The following CPXM2 variants were observed in gnomAD, a reference collection of about 807,000 sequenced individuals.
CPXM2 encodes the protein carboxypeptidase X, M14 family member 2.
In CPXM2, 66 loss-of-function variants were observed where a neutral mutation model predicts 86.1. The observed-to-expected ratio is 0.77, with a 90% CI of 0.63 to 0.94. The LOEUF (loss-of-function observed/expected upper bound fraction) is 0.94, where lower values mean the gene tolerates loss of function less well. CPXM2 is among the 40% of genes least tolerant of loss of function. The pLI, the probability that CPXM2 is intolerant of heterozygous loss-of-function variation, is 0.00. For synonymous variants in CPXM2, 388 were observed against 400.2 expected (o/e 0.97, Z 0.36); for missense variants, 948 against 1,026.3 (o/e 0.92, Z 1.04).
chr10:123,798,228 C>A, intron 5 of CPXM2, 102 bp from the exon 6 acceptor site: 2 of 966,948 alleles, frequency 2.1e-6, no homozygotes, highest in Admixed American at 2.9e-5. Context: ...TTGAGGAAAA[C>A]CTAATGTGTG....
intron 2 of CPXM2, among the ~76,000 whole-genome samples, chr10:123,916,199 T>C (rs1945532596): frequency 6.6e-6 from 1 of 152,138 alleles, no homozygotes; most frequent in Admixed American, 6.5e-5. Context: ...TTGGTGAGCT[T>C]GTATTGCATC....
intron 7 of CPXM2, among the ~76,000 whole-genome samples, chr10:123,775,973 A>G (rs1846776775): frequency 6.6e-6 from 1 of 151,654 alleles, no homozygotes; most frequent in South Asian, 2.1e-4. Context: ...GGGGTCAAAG[A>G]TTTTTTTTTG....
intron 2 of CPXM2, among the ~76,000 whole-genome samples, chr10:123,908,044 C>A (rs1945458523): frequency 6.6e-6 from 1 of 152,006 alleles, no homozygotes. Flanking sequence ...AGAGATGTGA[C>A]AAGGACCATA....
At chr10:123,869,617 G>A (rs1471320741) in intron 2 of CPXM2, among the ~76,000 whole-genome samples, 1 of 152,124 alleles carries the variant, frequency 6.6e-6, no homozygotes, top group Non-Finnish European at 1.5e-5. Flanking sequence ...CCATCTCCCA[G>A]CCCCATGCTC....
intron 1 of CPXM2, among the ~76,000 whole-genome samples, chr10:123,889,873 C>G (rs1378870596): frequency 6.6e-6 from 1 of 152,088 alleles, no homozygotes; most frequent in African/African-American, 2.4e-5. Context: ...TGTCTCCTGC[C>G]TACACCACCC....
intron 3 of CPXM2, among the ~76,000 whole-genome samples, chr10:123,849,286 ATACT>A (rs1848553938): frequency 6.6e-6 from 1 of 152,184 alleles, no homozygotes; most frequent in Non-Finnish European, 1.5e-5. Flanking sequence ...CTTACGTAAC[ATACT>A]TAATTCTGTA....
At chr10:123,906,692 TG>T in intron 2 of CPXM2, among the ~76,000 whole-genome samples, 1 of 152,148 alleles carries the variant, frequency 6.6e-6, no homozygotes, top group South Asian at 2.1e-4. Flanking sequence ...CCCCCAAACT[TG>T]GCTCCAAAAG....
intron 1 of CPXM2, among the ~76,000 whole-genome samples, chr10:123,881,745 A>G (rs1007638691): frequency 2.9e-4 from 44 of 152,302 alleles, no homozygotes; most frequent in Middle Eastern, 6.8e-3. Context: ...CTGTGGGGAA[A>G]GAAGACCTGG....
chr10:123,794,709 T>C (rs1302597243), intron 6 of CPXM2, among the ~76,000 whole-genome samples: 1 of 151,902 alleles, frequency 6.6e-6, no homozygotes, highest in Non-Finnish European at 1.5e-5. Flanking sequence ...AGCAATCAAA[T>C]CATTTTTATT....
At chr10:123,780,038 G>A in intron 7 of CPXM2, 129 bp downstream of exon 7, 1 of 669,314 alleles carries the variant, frequency 1.5e-6, no homozygotes, top group Non-Finnish European at 2.7e-6. Flanking sequence ...TGTGTCTTCA[G>A]CAAACCAAAT....
intron 1 of CPXM2, among the ~76,000 whole-genome samples, chr10:123,881,232 T>TCCCCTCCCCTGCCCTCCCCTCCC (rs745377217): frequency 1.5e-5 from 1 of 64,874 alleles, no homozygotes; most frequent in Non-Finnish European, 3.1e-5. Flanking sequence ...AGCACCCTTC[T>TCCCCTCCCCTGCCCTCCCCTCCC]CTTCCCTTCC....
At chr10:123,854,983 A>G (rs1349245721) in intron 3 of CPXM2, among the ~76,000 whole-genome samples, 2 of 151,846 alleles carry the variant, frequency 1.3e-5, no homozygotes, top group Non-Finnish European at 2.9e-5. Flanking sequence ...GACCCTTTTT[A>G]CTTTGGTTAC....
chr10:123,898,840 G>A (rs1945359165), intron 2 of CPXM2, among the ~76,000 whole-genome samples: 3 of 152,138 alleles, frequency 2.0e-5, no homozygotes, highest in Admixed American at 2.0e-4. Flanking sequence ...AACCTCTCAG[G>A]TTCAAACAAT....
chr10:123,887,390 G>A (rs1162860205), intron 1 of CPXM2, among the ~76,000 whole-genome samples: 1 of 152,164 alleles, frequency 6.6e-6, no homozygotes, highest in Non-Finnish European at 1.5e-5. Flanking sequence ...TGACAGTGGT[G>A]GTGGTTCCAT....
rs1248953847 is a variant in CPXM2, at chr10:123,808,389, C to CAACAACAAA, written c.654-9191_654-9190insTTTGTTGTT. 2.9e-3 allele frequency among the ~76,000 whole-genome samples: 443 copies of CAACAACAAA among 150,982 alleles called. 2 individuals carry two copies. The highest frequency in any genetic ancestry group is 0.011 in the African/African-American group (425 of 40,420). ...ACAACAACAACAACAACAACAACAACAACCAGCTGTTAGCTGAAAAAAAGA... is the reference window on the plus strand; with the variant it reads ...ACAACAACAACAACAACAACAACAACAACAACAAAAACCAGCTGTTAGCTGAAAAAAAGA... On this transcript the variant is annotated intron_variant, in intron 4 of 13. Coordinates refer to ENST00000241305, the MANE Select transcript of CPXM2 (RefSeq NM_198148.3).
intron 2 of CPXM2, among the ~76,000 whole-genome samples, chr10:123,938,386 T>C (rs1326428658): frequency 6.6e-6 from 1 of 152,220 alleles, no homozygotes; most frequent in Non-Finnish European, 1.5e-5. Context: ...AGCTCAACCA[T>C]GTCAAGGGGT....
intron 11 of CPXM2, among the ~76,000 whole-genome samples, chr10:123,759,558 G>A (rs1276430616): frequency 2.0e-5 from 3 of 152,202 alleles, no homozygotes; most frequent in Non-Finnish European, 4.4e-5. Flanking sequence ...GGCTTCAAAA[G>A]CAAAATGCGA....
chr10:123,851,773 A>G (rs1343303321), intron 3 of CPXM2, among the ~76,000 whole-genome samples: 1 of 151,884 alleles, frequency 6.6e-6, no homozygotes, highest in African/African-American at 2.4e-5. Flanking sequence ...CATCTCAAAA[A>G]AAAAAAAAAA....
intron 2 of CPXM2, among the ~76,000 whole-genome samples, chr10:123,933,945 G>C (rs1405566578): frequency 2.0e-5 from 3 of 152,068 alleles, no homozygotes; most frequent in African/African-American, 7.2e-5. Context: ...TCTCTTGTTG[G>C]TCAGATTGGG....
Sources: gnomAD v4.1 joint callset for allele counts (sites outside exome capture counted in the v4.1 genomes callset) on GRCh38, gnomAD v4.1.1 for gene constraint, MANE v1.5 for transcripts, NCBI Gene and HGNC (gene_info 2026-07-23, HGNC 2026-07-21) for gene names.